FAM178B: variants seen among roughly 807,000 people sequenced by gnomAD.
FAM178B encodes the protein family with sequence similarity 178 member B.
In FAM178B, 82 loss-of-function variants were observed where a neutral mutation model predicts 91.7. That is an observed-to-expected ratio of 0.89 (90% CI 0.75 to 1.07). The LOEUF (loss-of-function observed/expected upper bound fraction) is 1.07. Among genes scored for constraint, FAM178B ranks in the 50% least tolerant of loss-of-function variants. FAM178B has a pLI of 0.00. For missense variants in FAM178B, 769 were observed against 846.7 expected, an observed-to-expected ratio of 0.91 and a Z score of 1.14; for synonymous variants, 368 against 359.4, an observed-to-expected ratio of 1.02 and a Z score of -0.27.
At chr2:96,879,780 G>C (rs2080334865) in intron 14 of FAM178B, among the ~76,000 whole-genome samples, 2 of 152,218 alleles carry the variant, frequency 1.3e-5, no homozygotes, top group South Asian at 4.1e-4. Context: ...CCTGGGGTGG[G>C]GAAGACCCAA....
chr2:96,966,134 C>G (rs777496144), intron 5 of FAM178B, among the ~76,000 whole-genome samples: 15 of 152,074 alleles, frequency 9.9e-5, no homozygotes, highest in Non-Finnish European at 1.9e-4. Flanking sequence ...GCCTCCCTCA[C>G]CTCCTATCCC....
At chr2:96,882,377 C>A (rs2153367429) in intron 14 of FAM178B, among the ~76,000 whole-genome samples, 1 of 152,360 alleles carries the variant, frequency 6.6e-6, no homozygotes, top group East Asian at 1.9e-4. Context: ...CCCTGAGCTC[C>A]CTTCCCTCCA....
chr2:96,936,804 C>T, intron 8 of FAM178B, among the ~76,000 whole-genome samples: 1 of 152,170 alleles, frequency 6.6e-6, no homozygotes, highest in Non-Finnish European at 1.5e-5. Context: ...AGACACCACA[C>T]CTGGCTAACA....
At chr2:96,899,277 G>A (rs183943137) in intron 13 of FAM178B, among the ~76,000 whole-genome samples, 124 of 152,348 alleles carry the variant, frequency 8.1e-4, no homozygotes, top group Non-Finnish European at 1.5e-3. Flanking sequence ...AGCAGCTGCC[G>A]CACTGTGCCT....
At chr2:96,980,072 GTTTT>G (rs373314327) in intron 1 of FAM178B, among the ~76,000 whole-genome samples, 2 of 152,026 alleles carry the variant, frequency 1.3e-5, no homozygotes, top group African/African-American at 2.4e-5. Flanking sequence ...TCTTTGTGGG[GTTTT>G]TTTGTTTGTT....
In FAM178B at chr2:96,879,837, C is replaced by A. The variant is rs188832565; in HGVS notation, c.1777-1344G>T. Among the ~76,000 whole-genome samples, 7 of 152,384 alleles carry A rather than the reference C, an allele frequency of 4.6e-5. No individual in the cohort carries two copies. In the East Asian group the frequency reaches 1.3e-3, roughly 29 times the overall value. On this transcript the variant is annotated intron_variant, in intron 14 of 16. Transcript: ENST00000490605. ...TCTGCCTGCCGGGTCCCTGCAGCGGCCTGTGGACGCCCGAGTTGCCCGGCC... is the reference window on the plus strand; with the variant it reads ...TCTGCCTGCCGGGTCCCTGCAGCGGACTGTGGACGCCCGAGTTGCCCGGCC...
intron 9 of FAM178B, among the ~76,000 whole-genome samples, chr2:96,928,236 C>T (rs150830391): frequency 1.4e-3 from 218 of 152,342 alleles, no homozygotes; most frequent in African/African-American, 4.9e-3. Flanking sequence ...TCCTATACAA[C>T]AGCCCCTCCA....
intron 14 of FAM178B, among the ~76,000 whole-genome samples, chr2:96,889,271 A>T (rs1385508285): frequency 1.3e-5 from 2 of 152,196 alleles, no homozygotes; most frequent in African/African-American, 2.4e-5. Context: ...ACAACTTCAC[A>T]GTCCCCAAAT....
chr2:96,884,097 T>C (rs953385363), intron 14 of FAM178B, among the ~76,000 whole-genome samples: 1 of 152,048 alleles, frequency 6.6e-6, no homozygotes, highest in South Asian at 2.1e-4. Context: ...TTTTTCCCTT[T>C]TTTGTGCAAT....
At chr2:96,944,036 A>G (rs2081778360) in intron 8 of FAM178B, among the ~76,000 whole-genome samples, 1 of 152,160 alleles carries the variant, frequency 6.6e-6, no homozygotes, top group Non-Finnish European at 1.5e-5. Flanking sequence ...TGAGGCCAGG[A>G]GTTCGAGACC....
intron 4 of FAM178B, among the ~76,000 whole-genome samples, chr2:96,969,680 G>C (rs982541784): frequency 6.6e-6 from 1 of 152,224 alleles, no homozygotes; most frequent in Admixed American, 6.5e-5. Flanking sequence ...AAATATATAG[G>C]CATGGTCCCT....
chr2:96,879,948 T>A (rs1212661699), intron 14 of FAM178B, among the ~76,000 whole-genome samples: 1 of 152,250 alleles, frequency 6.6e-6, no homozygotes, highest in Non-Finnish European at 1.5e-5. Flanking sequence ...CTGTCCAGCC[T>A]TTGCAGTCTT....
At chr2:96,952,186 C>T (rs1046261545) in intron 6 of FAM178B, among the ~76,000 whole-genome samples, 3 of 152,146 alleles carry the variant, frequency 2.0e-5, no homozygotes, top group Non-Finnish European at 2.9e-5. Flanking sequence ...CGATTACCCC[C>T]ACGAGGCCAG....
intron 8 of FAM178B, among the ~76,000 whole-genome samples, chr2:96,943,319 C>A (rs971857516): frequency 6.6e-6 from 1 of 152,166 alleles, no homozygotes; most frequent in African/African-American, 2.4e-5. Flanking sequence ...TGTTAATCAA[C>A]TTTTGGTCTC....
intron 14 of FAM178B, among the ~76,000 whole-genome samples, chr2:96,889,104 G>A (rs1040807426): frequency 1.3e-5 from 2 of 152,152 alleles, no homozygotes; most frequent in African/African-American, 2.4e-5. Context: ...CCCCTTAGCT[G>A]TTATCCACTG....
At chr2:96,877,571 T>C (rs1300217087) in intron 16 of FAM178B, among the ~76,000 whole-genome samples, 3 of 152,178 alleles carry the variant, frequency 2.0e-5, no homozygotes, top group African/African-American at 4.8e-5. Context: ...CCCGGCTAAT[T>C]TTTTTAATCT....
chr2:96,916,105 A>T (rs182290963), intron 12 of FAM178B, among the ~76,000 whole-genome samples: 36 of 152,342 alleles, frequency 2.4e-4, no homozygotes, highest in African/African-American at 8.4e-4. Flanking sequence ...TTGCTATGCC[A>T]AACATCCTTG....
chr2:96,957,787 C>T (rs1047735448), intron 6 of FAM178B, among the ~76,000 whole-genome samples: 13 of 152,168 alleles, frequency 8.5e-5, no homozygotes, highest in Admixed American at 8.5e-4. Flanking sequence ...AATACCTTTC[C>T]AACATGGTGA....
At chr2:96,884,426 C>T (rs568784929) in intron 14 of FAM178B, among the ~76,000 whole-genome samples, 2 of 152,298 alleles carry the variant, frequency 1.3e-5, no homozygotes, top group East Asian at 1.9e-4. Flanking sequence ...TGAGGCTGCT[C>T]CCCCAGGGTG....
Sources: allele counts gnomAD v4.1 joint callset (sites outside exome capture counted in the v4.1 genomes callset), GRCh38; gene constraint gnomAD v4.1.1; transcripts MANE v1.5; gene names NCBI Gene and HGNC (gene_info 2026-07-23, HGNC 2026-07-21).